The following ZBTB20 variants were observed in gnomAD, a reference collection of about 807,000 sequenced individuals.
ZBTB20 encodes the protein zinc finger and BTB domain containing 20, also known as zinc finger and BTB domain-containing protein 20.
Under a neutral mutation model 56.9 loss-of-function variants are expected in ZBTB20, and 9 were observed. The observed-to-expected ratio is 0.16, with a 90% CI of 0.10 to 0.28. The LOEUF (loss-of-function observed/expected upper bound fraction) is 0.28. Among genes scored for constraint, ZBTB20 ranks in the 10% least tolerant of loss-of-function variants. The pLI is 1.00. For synonymous variants in ZBTB20, 417 were observed against 420.7 expected (o/e 0.99, Z 0.11); for missense variants, 655 against 1,003.0 (o/e 0.65, Z 4.69).
chr3:114,712,163 T>C (rs908380497), intron 5 of ZBTB20, among the ~76,000 whole-genome samples: 1 of 152,194 alleles, frequency 6.6e-6, no homozygotes, highest in Admixed American at 6.5e-5. Context: ...ACCCTGTTTC[T>C]GTATAAGACT....
chr3:114,903,026 A>C (rs887089432), intron 3 of ZBTB20, among the ~76,000 whole-genome samples: 1 of 152,152 alleles, frequency 6.6e-6, no homozygotes, highest in Non-Finnish European at 1.5e-5. Flanking sequence ...CAATGGGGTC[A>C]ATCTGTGTGA....
At chr3:114,993,807 T>A (rs1234273328) in intron 2 of ZBTB20, among the ~76,000 whole-genome samples, 13 of 151,858 alleles carry the variant, frequency 8.6e-5, no homozygotes, top group Admixed American at 2.6e-4. Flanking sequence ...TTAGATTTTT[T>A]AAATACGTAA....
chr3:114,795,427 G>T (rs1254246071), intron 5 of ZBTB20, among the ~76,000 whole-genome samples: 2 of 151,986 alleles, frequency 1.3e-5, no homozygotes, highest in Non-Finnish European at 2.9e-5. Context: ...TGCTCACTTT[G>T]CTCTGGCCAC....
At chr3:114,730,324 G>A (rs1441847182) in intron 5 of ZBTB20, among the ~76,000 whole-genome samples, 1 of 152,096 alleles carries the variant, frequency 6.6e-6, no homozygotes, top group Non-Finnish European at 1.5e-5. Flanking sequence ...GCATAAATGG[G>A]TTATGGCTTC....
intron 7 of ZBTB20, among the ~76,000 whole-genome samples, chr3:114,454,211 A>AGAGAGAGAGAGAGAGAG: frequency 8.6e-4 from 111 of 129,112 alleles, no homozygotes; most frequent in Middle Eastern, 4.6e-3. Flanking sequence ...AGAGAGAGAG[A>AGAGAGAGAGAGAGAGAG]AATTGGAGCT....
At chr3:114,607,160 T>C (rs541826988) in intron 6 of ZBTB20, among the ~76,000 whole-genome samples, 2 of 152,260 alleles carry the variant, frequency 1.3e-5, no homozygotes, top group East Asian at 3.9e-4. Context: ...TTGAAGTTTA[T>C]AATTCTCAAT....
At chr3:114,652,691 A>C (rs1466667822) in intron 6 of ZBTB20, among the ~76,000 whole-genome samples, 1 of 151,964 alleles carries the variant, frequency 6.6e-6, no homozygotes, top group Non-Finnish European at 1.5e-5. Flanking sequence ...TTTTAAAATA[A>C]ATTTGACAAT....
intron 4 of ZBTB20, among the ~76,000 whole-genome samples, chr3:114,870,296 T>C (rs1298316510): frequency 6.6e-6 from 1 of 151,808 alleles, no homozygotes; most frequent in East Asian, 1.9e-4. Flanking sequence ...ATAGTTAATA[T>C]GAAATTACTT....
chr3:114,737,219 AGTT>A (rs2066239762), intron 5 of ZBTB20, among the ~76,000 whole-genome samples: 1 of 152,204 alleles, frequency 6.6e-6, no homozygotes, highest in Admixed American at 6.5e-5. Context: ...CTAAAGACTT[AGTT>A]GTTTGAAATA....
At chr3:114,740,819 A>G (rs1007434632) in intron 5 of ZBTB20, among the ~76,000 whole-genome samples, 1 of 152,200 alleles carries the variant, frequency 6.6e-6, no homozygotes, top group Non-Finnish European at 1.5e-5. Flanking sequence ...CTGCTTTATT[A>G]ATATCTGAAT....
chr3:114,638,073 G>A (rs1325141000), intron 6 of ZBTB20, among the ~76,000 whole-genome samples: 2 of 152,122 alleles, frequency 1.3e-5, no homozygotes, highest in East Asian at 1.9e-4. Context: ...AAATTTATAA[G>A]CCAATTATGA....
At chr3:114,977,915 T>C (rs1173813209) in intron 2 of ZBTB20, among the ~76,000 whole-genome samples, 1 of 149,568 alleles carries the variant, frequency 6.7e-6, no homozygotes, top group Non-Finnish European at 1.5e-5. Context: ...GAGGCTGAGG[T>C]GGGAGGATCA....
chr3:114,942,173 T>C (rs568103829), intron 3 of ZBTB20, among the ~76,000 whole-genome samples: 57 of 145,862 alleles, frequency 3.9e-4, no homozygotes, highest in Non-Finnish European at 7.2e-4. Context: ...TCCTAGTCTA[T>C]CAGTATTATT....
rs568361067 is a variant in ZBTB20 at position 114,458,745 on chromosome 3, C to A, written c.-255+41607G>T. Among the ~76,000 whole-genome samples, 351 of 151,158 alleles carry A rather than the reference C, an allele frequency of 2.3e-3. 1 individual carries two copies. The highest frequency in any genetic ancestry group is 4.0e-3 in the Non-Finnish European group (273 of 67,782). On this transcript the variant is annotated intron_variant, in intron 7 of 11. Coordinates refer to ENST00000675478, the MANE Select transcript of ZBTB20 (RefSeq NM_001348800.3). ...CTTGACAGGTTTTTTTTTTTTATCTCCAAACATATCACTAGAATAATCTTC... is the reference window on the plus strand; with the variant it reads ...CTTGACAGGTTTTTTTTTTTTATCTACAAACATATCACTAGAATAATCTTC...
rs527280881 is a variant in ZBTB20, at chr3:114,713,184, T to C, written c.-342-19609A>G. 3.3e-5 allele frequency among the ~76,000 whole-genome samples: 5 copies of C among 152,130 alleles called. No homozygotes were observed. The East Asian group carries it at 9.6e-4, about 29-fold the overall frequency. ...TTATATCGTATGCTTATATTGATTT[T>C]ATTATAGTCAAATACATTAATTTGG... On this transcript the variant is annotated intron_variant, in intron 5 of 11. Coordinates refer to ENST00000675478, the MANE Select transcript of ZBTB20 (RefSeq NM_001348800.3).
At chr3:114,832,500 A>G (rs2073904217) in intron 4 of ZBTB20, among the ~76,000 whole-genome samples, 1 of 152,102 alleles carries the variant, frequency 6.6e-6, no homozygotes, top group African/African-American at 2.4e-5. Flanking sequence ...CTAACAAAGT[A>G]AATTCCACAA....
At chr3:115,062,749 A>G (rs1469449723) in intron 2 of ZBTB20, among the ~76,000 whole-genome samples, 4 of 152,168 alleles carry the variant, frequency 2.6e-5, no homozygotes, top group Non-Finnish European at 5.9e-5. Context: ...TTTGTAAACC[A>G]CAACAAAAGT....
chr3:115,122,545 G>T (rs1011172270), intron 1 of ZBTB20, among the ~76,000 whole-genome samples: 1 of 151,982 alleles, frequency 6.6e-6, no homozygotes, highest in Non-Finnish European at 1.5e-5. Context: ...TCTCTGAGGA[G>T]ATCCTTGGTT....
chr3:114,813,839 A>C (rs1208262870), intron 4 of ZBTB20, among the ~76,000 whole-genome samples: 1 of 152,212 alleles, frequency 6.6e-6, no homozygotes, highest in African/African-American at 2.4e-5. Context: ...TCTAGAATTC[A>C]CTGTCATTCA....
Sources: gnomAD v4.1 joint callset for allele counts (sites outside exome capture counted in the v4.1 genomes callset) on GRCh38, gnomAD v4.1.1 for gene constraint, MANE v1.5 for transcripts, NCBI Gene and HGNC (gene_info 2026-07-23, HGNC 2026-07-21) for gene names.